Variants in ARNT observed in about 807,000 individuals in gnomAD.
ARNT encodes aryl hydrocarbon receptor nuclear translocator, also known as class E basic helix-loop-helix protein 2.
A neutral mutation model predicts 105.0 loss-of-function variants in ARNT; 30 were observed. That is an observed-to-expected ratio of 0.29 (90% CI 0.21 to 0.39). ARNT has a LOEUF of 0.39. ARNT is among the 10% of genes least tolerant of loss of function. ARNT has a pLI of 1.00. For synonymous variants in ARNT, 304 were observed against 344.0 expected (o/e 0.88, Z 1.29); for missense variants, 748 against 978.7 (o/e 0.76, Z 3.15).
intron 8 of ARNT, among the ~76,000 whole-genome samples, chr1:150,834,095 G>A (rs587698301): frequency 6.6e-6 from 1 of 152,038 alleles, no homozygotes; most frequent in South Asian, 2.1e-4. Context: ...CACCACGCCC[G>A]TCTAATTTTG....
intron 13 of ARNT, 65 bp downstream of exon 13, chr1:150,826,478 T>C (rs948861053): frequency 2.5e-5 from 32 of 1,281,478 alleles, no homozygotes; most frequent in Non-Finnish European, 3.4e-5. Context: ...AGTTAATCAG[T>C]AGTCAATATT....
At chr1:150,860,238 TAG>T (rs1665388773) in intron 1 of ARNT, among the ~76,000 whole-genome samples, 1 of 149,588 alleles carries the variant, frequency 6.7e-6, no homozygotes, top group Non-Finnish European at 1.5e-5. Flanking sequence ...TTTTTTGAGT[TAG>T]AGTCTCACTC....
chr1:150,841,513 GC>G (rs1473998725), intron 5 of ARNT, among the ~76,000 whole-genome samples: 1 of 152,084 alleles, frequency 6.6e-6, no homozygotes, highest in Non-Finnish European at 1.5e-5. Context: ...TAAACTGGCA[GC>G]AAAATGAGTT....
At chr1:150,867,870 A>G (rs10305658) in intron 1 of ARNT, among the ~76,000 whole-genome samples, 9,845 of 152,142 alleles carry the variant, frequency 0.065, 1,095 homozygotes, top group African/African-American at 0.22. Context: ...ATGTGAAGAC[A>G]TGCTTGCTTC....
intron 20 of ARNT, among the ~76,000 whole-genome samples, 184 bp from the exon 21 acceptor site, chr1:150,813,522 G>A (rs1026908131): frequency 6.6e-6 from 1 of 151,958 alleles, no homozygotes; most frequent in East Asian, 1.9e-4. Context: ...TCTTCTCCAG[G>A]CAGCCTTTCC....
rs60202743 is a variant in ARNT at position 150,821,850 on chromosome 1, T to TC, written c.1394+1343dup. On this transcript the variant is annotated intron_variant, in intron 14 of 21. Coordinates refer to ENST00000358595, the MANE Select transcript of ARNT (RefSeq NM_001668.4). ...TTTCTTTTTTTTTTTTTTTTTTTTT[T>TC]CAGTAGAGACAGGGTTTCACCATGT... is the stretch of plus-strand genomic sequence containing the variant. 9.9e-5 allele frequency among the ~76,000 whole-genome samples: 13 copies of TC among 130,908 alleles called. No individual in the cohort carries two copies. In the East Asian group the frequency reaches 2.9e-3, roughly 29 times the overall value. The allele number at this position is 130,908 out of a possible 152,430, so 85.9% of individuals were successfully genotyped here. A position where few individuals can be genotyped will look rare whatever the true frequency, so the allele number is the denominator to read the frequency against.
At chr1:150,854,470 C>A (rs1571422143) in intron 2 of ARNT, among the ~76,000 whole-genome samples, 1 of 151,570 alleles carries the variant, frequency 6.6e-6, no homozygotes, top group Non-Finnish European at 1.5e-5. Context: ...GCGGGAGGGG[C>A]TGCAGGCCTT....
At chr1:150,852,654 G>A in intron 3 of ARNT, 108 bp downstream of exon 3, 1 of 924,804 alleles carries the variant, frequency 1.1e-6, no homozygotes, top group Non-Finnish European at 1.7e-6. Flanking sequence ...GTTTTAGGAT[G>A]AAGTACTCTC....
intron 8 of ARNT, 128 bp downstream of exon 8, chr1:150,834,410 C>T (rs1659897043): frequency 2.4e-6 from 2 of 846,632 alleles, no homozygotes; most frequent in South Asian, 1.6e-5. Flanking sequence ...TTCTGTGTTA[C>T]AATCCATCTG....
At chr1:150,856,491 G>A (rs925616172) in intron 2 of ARNT, among the ~76,000 whole-genome samples, 1 of 151,816 alleles carries the variant, frequency 6.6e-6, no homozygotes, top group Admixed American at 6.6e-5. Context: ...GGCCGGGCAT[G>A]GTGGCTCATG....
intron 1 of ARNT, among the ~76,000 whole-genome samples, chr1:150,871,628 G>A (rs1667448814): frequency 1.3e-5 from 2 of 149,196 alleles, no homozygotes; most frequent in African/African-American, 2.5e-5. Flanking sequence ...AACAGATGGC[G>A]GCGGAGCATG....
chr1:150,817,510 T>A, intron 15 of ARNT, 77 bp from the exon 16 acceptor site: 1 of 1,391,502 alleles, frequency 7.2e-7, no homozygotes, highest in South Asian at 1.2e-5. Context: ...GAAAGAACCT[T>A]AAAACAAATT....
intron 8 of ARNT, among the ~76,000 whole-genome samples, chr1:150,833,740 A>T (rs1254221210): frequency 1.3e-5 from 2 of 151,976 alleles, no homozygotes; most frequent in Non-Finnish European, 2.9e-5. Flanking sequence ...TATAAACACT[A>T]AACACCTACT....
intron 4 of ARNT, among the ~76,000 whole-genome samples, chr1:150,845,631 C>T (rs187688242): frequency 4.0e-5 from 6 of 151,464 alleles, no homozygotes; most frequent in Admixed American, 6.6e-5. Context: ...AGGCCGGGTG[C>T]GGTGGCTCAC....
At chr1:150,844,283 C>T (rs1661776203) in intron 4 of ARNT, among the ~76,000 whole-genome samples, 1 of 152,090 alleles carries the variant, frequency 6.6e-6, no homozygotes, top group Non-Finnish European at 1.5e-5. Flanking sequence ...TAACCCAGGC[C>T]CTCATGATTT....
intron 1 of ARNT, among the ~76,000 whole-genome samples, chr1:150,876,113 G>C (rs1288315763): frequency 6.6e-6 from 1 of 152,222 alleles, no homozygotes; most frequent in South Asian, 2.1e-4. Context: ...CTCAACTAAA[G>C]AGCAGTGTGG....
chr1:150,829,613 ATCTT>A, intron 11 of ARNT: 2 of 566,884 alleles, frequency 3.5e-6, no homozygotes, highest in Non-Finnish European at 6.4e-6. Flanking sequence ...AATGAAAAGG[ATCTT>A]TCTTCTTTTG....
chr1:150,860,765 G>A (rs1432040578), intron 1 of ARNT, among the ~76,000 whole-genome samples: 1 of 151,890 alleles, frequency 6.6e-6, no homozygotes, highest in Non-Finnish European at 1.5e-5. Flanking sequence ...CTGAGGCAGG[G>A]AGAATTAATT....
rs779105288 is a variant in ARNT at position 150,842,466 on chromosome 1, G to A, written c.230C>T (p.Ser77Leu). The change falls in exon 5 of 22, where the codon TCG becomes TTG. Residue 77 changes from serine to leucine, a missense_variant and splice_region_variant. Physicochemically the swap from Ser to Leu is moderately radical, Grantham distance 145. Transcript: ENST00000358595. ...MSNDKERFARSDDEQSSADKE... is the reference protein window; with the variant it reads ...MSNDKERFARLDDEQSSADKE... ...ATCCGCAGAGCTCTGCTCATCATCC[G>A]ACCTAAAAATAGAATTAATGAACTA... The A allele has an allele frequency of 1.6e-5, 26 of 1,591,164 alleles. No homozygotes were observed. The highest frequency in any genetic ancestry group is 4.6e-5 in the East Asian group (2 of 43,828).
Sources: allele counts gnomAD v4.1 joint callset (sites outside exome capture counted in the v4.1 genomes callset), GRCh38; gene constraint gnomAD v4.1.1; transcripts MANE v1.5; gene names NCBI Gene and HGNC (gene_info 2026-07-23, HGNC 2026-07-21).